The following RFPL1 variants were observed in gnomAD, a reference collection of about 807,000 sequenced individuals.
The protein encoded by RFPL1 is ret finger protein-like 1.
RFPL1 carries 6 observed loss-of-function variants against 9.6 expected under a neutral mutation model. That is an observed-to-expected ratio of 0.62 (90% CI 0.34 to 1.23). The LOEUF is 1.23. Ranked by LOEUF, RFPL1 falls within the 50% of genes most tolerant of loss-of-function variation. The probability of loss-of-function intolerance (pLI) is 0.03; values close to 1 mark genes in which losing one functional copy is unlikely to be tolerated. For missense variants in RFPL1, 352 were observed against 398.4 expected (o/e 0.88, Z 0.99); for synonymous variants, 145 against 149.4 (o/e 0.97, Z 0.22).
chr22:29,393,684 T>TAGAGAG, the RFPL1 span, among the ~76,000 whole-genome samples: 6 of 149,592 alleles, frequency 4.0e-5, no homozygotes, highest in East Asian at 3.9e-4. Context: ...CCCACCTGGA[T>TAGAGAG]AGAGAGAGAG....
At chr22:29,426,845 C>T in the RFPL1 span, among the ~76,000 whole-genome samples, 2 of 152,150 alleles carry the variant, frequency 1.3e-5, no homozygotes, top group East Asian at 3.9e-4. Context: ...TAATATCTTA[C>T]AAGGCAGTAA....
At chr22:29,438,634 T>A in exon 1 of RFPL1, 1 of 1,468,438 alleles carries the variant, frequency 6.8e-7, no homozygotes, top group South Asian at 1.4e-5. Flanking sequence ...GAATGGACCC[T>A]TCCTCCACCT....
the RFPL1 span, among the ~76,000 whole-genome samples, chr22:29,414,496 G>A: frequency 1.3e-5 from 2 of 152,124 alleles, no homozygotes; most frequent in Non-Finnish European, 2.9e-5. Flanking sequence ...GTACTTCAAG[G>A]CTTGGCTGAG....
chr22:29,429,786 A>G, the RFPL1 span, among the ~76,000 whole-genome samples: 2 of 152,238 alleles, frequency 1.3e-5, no homozygotes. Flanking sequence ...AAGTTTTAGG[A>G]TATAAAATCA....
At chr22:29,393,828 A>G in the RFPL1 span, among the ~76,000 whole-genome samples, 1 of 152,082 alleles carries the variant, frequency 6.6e-6, no homozygotes, top group Non-Finnish European at 1.5e-5. Context: ...CAATCTGCCT[A>G]CCACACCCAA....
the RFPL1 span, among the ~76,000 whole-genome samples, chr22:29,415,668 C>T: frequency 1.3e-5 from 2 of 152,372 alleles, no homozygotes; most frequent in South Asian, 2.1e-4. Context: ...TTTATTCGGC[C>T]GGGAAATCGG....
At chr22:29,419,600 C>G in the RFPL1 span, among the ~76,000 whole-genome samples, 1 of 151,968 alleles carries the variant, frequency 6.6e-6, no homozygotes, top group Non-Finnish European at 1.5e-5. Context: ...GCCAGGAGAT[C>G]AAGACCATCC....
exon 2 of RFPL1, chr22:29,442,325 T>C (rs1176240676): frequency 2.4e-6 from 1 of 418,330 alleles, no homozygotes; most frequent in Non-Finnish European, 4.2e-6. Context: ...TCATTGAGTC[T>C]TATGGTTCAC....
At chr22:29,440,729 T>A (rs564659865) in intron 1 of RFPL1, 2 of 152,132 alleles carry the variant, frequency 1.3e-5, no homozygotes, top group East Asian at 3.9e-4. Context: ...CCCGCCACCA[T>A]GTCCGGCTAA....
chr22:29,390,738 G>GGCGCCCGCCACC, the RFPL1 span, among the ~76,000 whole-genome samples: 10 of 151,346 alleles, frequency 6.6e-5, no homozygotes, highest in Non-Finnish European at 1.0e-4. Context: ...TGGGACTACA[G>GGCGCCCGCCACC]GCGCCCGCCA....
At chr22:29,435,288 G>A (rs1807682), upstream of RFPL1, among the ~76,000 whole-genome samples, 15,695 of 152,158 alleles carry the variant, frequency 0.1, 867 homozygotes, top group Non-Finnish European at 0.12. Flanking sequence ...ACCCTGCACC[G>A]TGCTGCTGTC....
chr22:29,390,635 A>G, the RFPL1 span, among the ~76,000 whole-genome samples: 7 of 146,998 alleles, frequency 4.8e-5, no homozygotes, highest in African/African-American at 1.9e-4. Context: ...TCGCTCCATC[A>G]CCCAGGCTGG....
At chr22:29,391,058 C>T in the RFPL1 span, among the ~76,000 whole-genome samples, 5 of 151,782 alleles carry the variant, frequency 3.3e-5, no homozygotes, top group Admixed American at 6.6e-5. Context: ...AGGAGAATGG[C>T]GTGAACCCGG....
the RFPL1 span, among the ~76,000 whole-genome samples, chr22:29,407,904 G>A: frequency 2.6e-5 from 4 of 152,048 alleles, no homozygotes; most frequent in East Asian, 1.9e-4. Flanking sequence ...TTCTGCAATC[G>A]TTATTTATTT....
chr22:29,411,142 A>G, the RFPL1 span, among the ~76,000 whole-genome samples: 1 of 152,180 alleles, frequency 6.6e-6, no homozygotes, highest in Admixed American at 6.5e-5. Context: ...GTGGAGGAAG[A>G]AGATCTAATA....
chr22:29,438,714 G>C, exon 1 of RFPL1: 1 of 1,558,760 alleles, frequency 6.4e-7, no homozygotes, highest in South Asian at 1.2e-5. Flanking sequence ...AAGACGGGGG[G>C]TGGGGGGATG....
At chr22:29,397,542 C>T in the RFPL1 span, among the ~76,000 whole-genome samples, 3 of 148,514 alleles carry the variant, frequency 2.0e-5, no homozygotes, top group East Asian at 1.9e-4. Context: ...GACCGATGGG[C>T]CAAACAGAAC....
chr22:29,391,759 A>G, the RFPL1 span, among the ~76,000 whole-genome samples: 1 of 152,214 alleles, frequency 6.6e-6, no homozygotes, highest in Non-Finnish European at 1.5e-5. Flanking sequence ...CCGAGGCAGG[A>G]AAACCTCACG....
chr22:29,392,788 A>T, the RFPL1 span, among the ~76,000 whole-genome samples: 1 of 152,174 alleles, frequency 6.6e-6, no homozygotes, highest in South Asian at 2.1e-4. Flanking sequence ...CATCGGCCCC[A>T]TGAGGAAGGG....
Sources: allele counts gnomAD v4.1 joint callset (sites outside exome capture counted in the v4.1 genomes callset), GRCh38; gene constraint gnomAD v4.1.1; transcripts MANE v1.5; gene names NCBI Gene and HGNC (gene_info 2026-07-23, HGNC 2026-07-21).